Variants in KCNQ1 observed in about 807,000 individuals in gnomAD.
KCNQ1 encodes the protein potassium voltage-gated channel subfamily KQT member 1.
A neutral mutation model predicts 72.4 loss-of-function variants in KCNQ1; 49 were observed. The observed-to-expected ratio is 0.68, with a 90% CI of 0.54 to 0.86. KCNQ1 has a LOEUF of 0.86. Among genes scored for constraint, KCNQ1 ranks in the 40% least tolerant of loss-of-function variants. KCNQ1 has a pLI of 0.00. For missense variants in KCNQ1, 790 were observed against 945.1 expected, an observed-to-expected ratio of 0.84 and a Z score of 2.15; for synonymous variants, 450 against 412.6, an observed-to-expected ratio of 1.09 and a Z score of -1.10.
intron 15 of KCNQ1, among the ~76,000 whole-genome samples, chr11:2,844,396 A>T (rs1848277635): frequency 1.3e-5 from 2 of 152,072 alleles, no homozygotes; most frequent in Non-Finnish European, 2.9e-5. Flanking sequence ...GGGGCCAGAG[A>T]CCCTAGCCAG....
rs1465241059 is a variant in KCNQ1, at chr11:2,483,237, A to G, written c.386+37753A>G. On this transcript the variant is annotated intron_variant, in intron 1 of 15. Transcript: ENST00000155840. The surrounding 1 kb of genome is among the most constrained non-coding windows in gnomAD (Gnocchi z 6.1). ...GAGGGCCACGAGGGTTAAGATCCTG[A>G]GAGCAATGCGGGGGGTGTGAGTGAT... Among the ~76,000 whole-genome samples, 2 of 152,184 alleles carry G rather than the reference A, an allele frequency of 1.3e-5. No individual in the cohort carries two copies. Among genetic ancestry groups the G allele is most frequent in the African/African-American group, 4.8e-5 (2 of 41,442 alleles).
In KCNQ1 at chr11:2,602,920, T is replaced by C. The variant is rs551209659; in HGVS notation, c.1393+14066T>C. The stretch of plus-strand genomic sequence containing the variant: ...ACAGAGCAAACATTTTAAATTTTGA[T>C]GAGATTCAATGTTTCCTTTTTATGG... On this transcript the variant is annotated intron_variant, in intron 10 of 15. Coordinates refer to ENST00000155840, the MANE Select transcript of KCNQ1 (RefSeq NM_000218.3). The surrounding 1 kb of genome is among the most constrained non-coding windows in gnomAD (Gnocchi z 4.8). 6.6e-6 allele frequency among the ~76,000 whole-genome samples: 1 copy of C among 152,318 alleles called. No individual in the cohort carries two copies. The highest frequency in any genetic ancestry group is 1.9e-4 in the East Asian group (1 of 5,182).
At chr11:2,796,118 C>T (rs1199671699) in intron 15 of KCNQ1, among the ~76,000 whole-genome samples, 2 of 152,248 alleles carry the variant, frequency 1.3e-5, no homozygotes, top group Non-Finnish European at 2.9e-5. Flanking sequence ...AAACCATTGG[C>T]TTATGGCGCA....
At position 2,769,978 on chromosome 11, in the gene KCNQ1, G is replaced by A. The variant is rs2237882; in HGVS notation, c.1590+1059G>A. Among the ~76,000 whole-genome samples, 31,366 of 152,026 alleles carry A rather than the reference G, an allele frequency of 0.21. 4,191 individuals carry two copies. Among genetic ancestry groups the A allele is most frequent in the Admixed American group, 0.36 (5,510 of 15,270 alleles). ...GCCACTGAGCTCCCTGCTAGGGTCT[G>A]GTCAGGGCTTATGGGGGCCTTTGTC... On this transcript the variant is annotated intron_variant, in intron 12 of 15. Transcript: ENST00000155840. This position sits in a 1 kb window ranked among gnomAD's most constrained non-coding sequence, Gnocchi z 4.6.
At chr11:2,525,707 G>A (rs944104462) in intron 1 of KCNQ1, among the ~76,000 whole-genome samples, 2 of 152,368 alleles carry the variant, frequency 1.3e-5, no homozygotes, top group East Asian at 1.9e-4. Flanking sequence ...TGGGAACCAC[G>A]TGGCTGATCA....
chr11:2,641,642 A>G (rs571484635), intron 10 of KCNQ1: 4 of 398,412 alleles, frequency 1.0e-5, no homozygotes, highest in South Asian at 1.3e-4. Flanking sequence ...ATCATTTAAT[A>G]TAGTCCCATT....
At position 2,720,167 on chromosome 11, in the gene KCNQ1, G is replaced by C. The variant is rs1400123651; in HGVS notation, c.1515-48677G>C. 6.6e-6 allele frequency among the ~76,000 whole-genome samples: 1 copy of C among 151,892 alleles called. No homozygotes were observed. The highest frequency in any genetic ancestry group is 1.5e-5 in the Non-Finnish European group (1 of 67,758). On this transcript the variant is annotated intron_variant, in intron 11 of 15. Transcript: ENST00000155840. The surrounding 1 kb of genome is among the most constrained non-coding windows in gnomAD (Gnocchi z 5.1). ...GCAAGGAGACGCTTCTAGTATGTTA[G>C]ACAGCACAGTCTTCCAAATGGACTG...
At chr11:2,520,175 G>A (rs1416324390) in intron 1 of KCNQ1, among the ~76,000 whole-genome samples, 5 of 152,204 alleles carry the variant, frequency 3.3e-5, no homozygotes, top group South Asian at 4.1e-4. Context: ...GAGCCTCAGT[G>A]TCCCCATCGA....
At chr11:2,572,716 G>A in intron 5 of KCNQ1, 130 bp from the exon 6 acceptor site, 1 of 1,207,504 alleles carries the variant, frequency 8.3e-7, no homozygotes, top group Non-Finnish European at 1.2e-6. Flanking sequence ...AGCCGGCCCT[G>A]TGCATGTGAA....
At position 2,471,677 on chromosome 11, in the gene KCNQ1, CATGTGTATGGGTGTGCAT is replaced by C. The variant is rs1384918012; in HGVS notation, c.386+26194_386+26211del. Among the ~76,000 whole-genome samples, 17 of 149,616 alleles carry C rather than the reference CATGTGTATGGGTGTGCAT, an allele frequency of 1.1e-4. No homozygotes were observed. Among genetic ancestry groups the C allele is most frequent in the Middle Eastern group, 3.3e-3 (1 of 306 alleles). On this transcript the variant is annotated intron_variant, in intron 1 of 15. Coordinates refer to ENST00000155840, the MANE Select transcript of KCNQ1 (RefSeq NM_000218.3). The surrounding 1 kb of genome is among the most constrained non-coding windows in gnomAD (Gnocchi z 4.8). Reference sequence around the variant, plus strand: ...GTATGGGTGTGTGCATGGGTGTGCACATGTGTATGGGTGTGCATGTGTGTATAGGTGTGTGTATGTGTG... The same window carrying C: ...GTATGGGTGTGTGCATGGGTGTGCACGTGTGTATAGGTGTGTGTATGTGTG...
At chr11:2,740,412 C>T (rs570958998) in intron 11 of KCNQ1, among the ~76,000 whole-genome samples, 20 of 152,316 alleles carry the variant, frequency 1.3e-4, no homozygotes, top group African/African-American at 4.8e-4. Flanking sequence ...AACAATAGTA[C>T]AGGTGTTCAA....
intron 1 of KCNQ1, among the ~76,000 whole-genome samples, chr11:2,455,422 T>G (rs1846177737): frequency 1.3e-5 from 2 of 152,180 alleles, no homozygotes; most frequent in South Asian, 4.1e-4. Flanking sequence ...TATACACCAA[T>G]GATGTTCAAA....
rs1013363891 is a variant in KCNQ1 at position 2,784,584 on chromosome 11, A to G, written c.1794+6547A>G. 6.6e-6 allele frequency among the ~76,000 whole-genome samples: 1 copy of G among 151,892 alleles called. No individual in the cohort carries two copies. The highest frequency in any genetic ancestry group is 2.4e-5 in the African/African-American group (1 of 41,416). The stretch of plus-strand genomic sequence containing the variant: ...AAAAGAAGGGCCTGCTGGGATTTTG[A>G]TAGGCATTGTGTTGAATCTATAGAT... On this transcript the variant is annotated intron_variant, in intron 15 of 15. Coordinates refer to ENST00000155840, the MANE Select transcript of KCNQ1 (RefSeq NM_000218.3). The surrounding 1 kb of genome is among the most constrained non-coding windows in gnomAD (Gnocchi z 4.7).
chr11:2,665,081 G>T (rs770530614), intron 11 of KCNQ1: 7 of 398,498 alleles, frequency 1.8e-5, no homozygotes, highest in Non-Finnish European at 3.1e-5. Context: ...GAGGCACGGG[G>T]TACCCAGGAG....
At chr11:2,660,174 A>G (rs1849926290) in intron 10 of KCNQ1, 1 of 398,088 alleles carries the variant, frequency 2.5e-6, no homozygotes, top group Non-Finnish European at 4.4e-6. Flanking sequence ...TTATGGTTTT[A>G]TGTTTTATTT....
At chr11:2,708,183 T>C (rs1850942839) in intron 11 of KCNQ1, among the ~76,000 whole-genome samples, 1 of 152,244 alleles carries the variant, frequency 6.6e-6, no homozygotes, top group Non-Finnish European at 1.5e-5. Context: ...CTGTGACTCT[T>C]TCCTCAGTAG....
chr11:2,813,853 G>C lies in KCNQ1; in HGVS notation c.1795-33914G>C, dbSNP rs905491560. Among the ~76,000 whole-genome samples, 3 of 152,070 alleles carry C rather than the reference G, an allele frequency of 2.0e-5. No homozygotes were observed. The highest frequency in any genetic ancestry group is 7.2e-5 in the African/African-American group (3 of 41,388). On this transcript the variant is annotated intron_variant, in intron 15 of 15. Coordinates refer to ENST00000155840, the MANE Select transcript of KCNQ1 (RefSeq NM_000218.3). The surrounding 1 kb of genome is among the most constrained non-coding windows in gnomAD (Gnocchi z 4.4). Reference sequence around the variant, plus strand: ...GGCGGATGAGTAGGTAGATGGACGGGGAGCTGCAGGGAGGGAGGGTTGCAG... The same window carrying C: ...GGCGGATGAGTAGGTAGATGGACGGCGAGCTGCAGGGAGGGAGGGTTGCAG...
At chr11:2,797,250 C>T (rs955351135) in intron 15 of KCNQ1, among the ~76,000 whole-genome samples, 2 of 152,196 alleles carry the variant, frequency 1.3e-5, no homozygotes, top group Admixed American at 6.5e-5. Flanking sequence ...GCCCCAGCCC[C>T]CAGCTCCCAG....
rs1564907951 is a variant in KCNQ1, at chr11:2,827,385, C to A, written c.1795-20382C>A. 6.6e-6 allele frequency among the ~76,000 whole-genome samples: 1 copy of A among 152,144 alleles called. No homozygotes were observed. The highest frequency in any genetic ancestry group is 2.4e-5 in the African/African-American group (1 of 41,426). On this transcript the variant is annotated intron_variant, in intron 15 of 15. Coordinates refer to ENST00000155840, the MANE Select transcript of KCNQ1 (RefSeq NM_000218.3). This position sits in a 1 kb window ranked among gnomAD's most constrained non-coding sequence, Gnocchi z 6.7. ...ATCCAGTGCTTCTGTCCTATGGTCC[C>A]CAGCGGCTGCTCCTGCATTCACCAT...
Sources: allele counts gnomAD v4.1 joint callset (sites outside exome capture counted in the v4.1 genomes callset), GRCh38; gene constraint gnomAD v4.1.1; non-coding constraint Gnocchi (gnomAD v3.1); transcripts MANE v1.5; gene names NCBI Gene and HGNC (gene_info 2026-07-23, HGNC 2026-07-21).